The following GAB1 variants were observed in gnomAD, a reference collection of about 807,000 sequenced individuals.
The protein encoded by GAB1 is GRB2 associated binding protein 1.
A neutral mutation model predicts 66.5 loss-of-function variants in GAB1; 19 were observed. That is an observed-to-expected ratio of 0.29 (90% CI 0.20 to 0.42). The LOEUF is 0.42. Among genes scored for constraint, GAB1 ranks in the 10% least tolerant of loss-of-function variants. The pLI, the probability that GAB1 is intolerant of heterozygous loss-of-function variation, is 1.00. For synonymous variants in GAB1, 294 were observed against 301.4 expected (o/e 0.98, Z 0.25); for missense variants, 732 against 858.5 (o/e 0.85, Z 1.84).
At chr4:143,442,199 T>C (rs1370764051) in intron 6 of GAB1, among the ~76,000 whole-genome samples, 4 of 152,350 alleles carry the variant, frequency 2.6e-5, no homozygotes, top group African/African-American at 7.2e-5. Flanking sequence ...CTTTGAAATA[T>C]TGAAATATCT....
At chr4:143,463,768 A>C (rs1735627025) in intron 8 of GAB1, among the ~76,000 whole-genome samples, 1 of 152,184 alleles carries the variant, frequency 6.6e-6, no homozygotes, top group African/African-American at 2.4e-5. Context: ...AGGCTGTTCC[A>C]GTGGAGATTA....
chr4:143,468,208 CTTTTTTTTTTT>C (rs780138131), intron 9 of GAB1, among the ~76,000 whole-genome samples: 1,684 of 70,298 alleles, frequency 0.024, 35 homozygotes, highest in Middle Eastern at 0.11. Context: ...AGTTTGAATT[CTTTTTTTTTTT>C]TTTTTTTTTT....
chr4:143,360,636 AGTT>A (rs1392020596), intron 1 of GAB1, among the ~76,000 whole-genome samples: 1 of 152,228 alleles, frequency 6.6e-6, no homozygotes, highest in Non-Finnish European at 1.5e-5. Context: ...TGCTAAAAAA[AGTT>A]GTCTCGTGGG....
rs1176074906 is a variant in GAB1, at chr4:143,473,820, C to G, written c.*4631C>G. 1 of 152,194 alleles carries G rather than the reference C, an allele frequency of 6.6e-6. No individual in the cohort carries two copies. The highest frequency in any genetic ancestry group is 1.9e-4 in the East Asian group (1 of 5,204). The allele number at this position is 152,194 out of a possible 1,614,324, so 9.4% of individuals were successfully genotyped here. ...ACTTTGGTCCACTCAGCCCACCCAG[C>G]CCACTTGCAACTCTGACTCTTCACT... On this transcript the variant is annotated 3_prime_UTR_variant, in exon 10 of 10. Coordinates refer to ENST00000262994, the MANE Select transcript of GAB1 (RefSeq NM_002039.4).
chr4:143,471,575 A>T lies in GAB1; in HGVS notation c.*2386A>T, dbSNP rs995184850. On this transcript the variant is annotated 3_prime_UTR_variant, in exon 10 of 10. Coordinates refer to ENST00000262994, the MANE Select transcript of GAB1 (RefSeq NM_002039.4). Reference sequence around the variant, plus strand: ...TAATAAGATTCTGAGTTATTTCTGAATAACACAAATGTGGAGTTATACATA... The same window carrying T: ...TAATAAGATTCTGAGTTATTTCTGATTAACACAAATGTGGAGTTATACATA... 2.6e-5 allele frequency: 4 copies of T among 152,182 alleles called. No homozygotes were observed. The highest frequency in any genetic ancestry group is 7.2e-5 in the African/African-American group (3 of 41,448). The allele number at this position is 152,182 out of a possible 1,614,324, so 9.4% of individuals were successfully genotyped here.
chr4:143,439,912 A>G (rs1254319834), intron 5 of GAB1, 25 bp downstream of exon 5: 1 of 1,547,418 alleles, frequency 6.5e-7, no homozygotes, highest in Non-Finnish European at 8.9e-7. Context: ...CCTTGGCATC[A>G]TCAAGTGTAT....
intron 1 of GAB1, among the ~76,000 whole-genome samples, chr4:143,373,860 A>T (rs376966023): frequency 9.0e-5 from 5 of 55,414 alleles, no homozygotes; most frequent in Non-Finnish European, 1.5e-4. Context: ...TCTCTCTGTA[A>T]ATAAATAAAT....
intron 1 of GAB1, among the ~76,000 whole-genome samples, chr4:143,358,371 T>C (rs1001361471): frequency 1.3e-5 from 2 of 152,258 alleles, no homozygotes; most frequent in African/African-American, 4.8e-5. Context: ...TGTGAGTTGA[T>C]GAATACCTTT....
chr4:143,366,819 A>G (rs1729900632), intron 1 of GAB1, among the ~76,000 whole-genome samples: 2 of 152,004 alleles, frequency 1.3e-5, no homozygotes, highest in African/African-American at 2.4e-5. Context: ...TTGATTTTCA[A>G]TTCAATTTTT....
At chr4:143,429,971 CAA>C (rs1733564603) in intron 2 of GAB1, among the ~76,000 whole-genome samples, 1 of 152,182 alleles carries the variant, frequency 6.6e-6, no homozygotes, top group African/African-American at 2.4e-5. Flanking sequence ...CTCTGATAAA[CAA>C]AGATCAGCAG....
chr4:143,363,300 G>A (rs988270382), intron 1 of GAB1, among the ~76,000 whole-genome samples: 20 of 152,214 alleles, frequency 1.3e-4, no homozygotes, highest in African/African-American at 4.6e-4. Flanking sequence ...TCAGGAGAGT[G>A]ACTGGGACCA....
chr4:143,452,997 C>A (rs957528312), intron 6 of GAB1, among the ~76,000 whole-genome samples: 1 of 152,158 alleles, frequency 6.6e-6, no homozygotes, highest in Non-Finnish European at 1.5e-5. Context: ...TATATACAGG[C>A]AGTAAAGGAG....
chr4:143,350,346 A>C (rs1225434799), intron 1 of GAB1, among the ~76,000 whole-genome samples: 3 of 152,150 alleles, frequency 2.0e-5, no homozygotes, highest in African/African-American at 7.2e-5. Context: ...GTCATGTGGC[A>C]CTGTTATCAT....
intron 1 of GAB1, among the ~76,000 whole-genome samples, chr4:143,339,289 A>C (rs893266316): frequency 6.6e-6 from 1 of 152,210 alleles, no homozygotes. Flanking sequence ...GGCCGAGGCC[A>C]GTGGATCACC....
intron 1 of GAB1, among the ~76,000 whole-genome samples, chr4:143,405,501 G>A (rs1259956285): frequency 6.6e-6 from 1 of 152,100 alleles, no homozygotes; most frequent in African/African-American, 2.4e-5. Flanking sequence ...CCCACTATTG[G>A]TTTGTTGTAT....
At chr4:143,362,133 A>G (rs746168142) in intron 1 of GAB1, among the ~76,000 whole-genome samples, 14 of 152,136 alleles carry the variant, frequency 9.2e-5, no homozygotes, top group African/African-American at 1.9e-4. Flanking sequence ...AAAGAATCAC[A>G]TAAGTCCACC....
chr4:143,373,158 C>A (rs1730216925), intron 1 of GAB1, among the ~76,000 whole-genome samples: 1 of 152,028 alleles, frequency 6.6e-6, no homozygotes, highest in African/African-American at 2.4e-5. Context: ...AATTTATGTA[C>A]ATAAATATGT....
chr4:143,416,720 G>A (rs1732710794), intron 2 of GAB1, among the ~76,000 whole-genome samples: 1 of 152,066 alleles, frequency 6.6e-6, no homozygotes, highest in African/African-American at 2.4e-5. Context: ...GCTACAGTGA[G>A]CCACAATTGC....
chr4:143,377,684 A>T (rs1730476004), intron 1 of GAB1, among the ~76,000 whole-genome samples: 1 of 152,166 alleles, frequency 6.6e-6, no homozygotes, highest in Non-Finnish European at 1.5e-5. Context: ...CAGTTTGGGG[A>T]CAGAGGGGAC....
Sources: gnomAD v4.1 joint callset for allele counts (sites outside exome capture counted in the v4.1 genomes callset) on GRCh38, gnomAD v4.1.1 for gene constraint, MANE v1.5 for transcripts, NCBI Gene and HGNC (gene_info 2026-07-23, HGNC 2026-07-21) for gene names.